Variants in GNG12 observed in about 807,000 individuals in gnomAD.
The protein encoded by GNG12 is guanine nucleotide-binding protein G(I)/G(S)/G(O) subunit gamma-12.
For synonymous variants in GNG12, 28 were observed against 29.7 expected, an observed-to-expected ratio of 0.94 and a Z score of 0.19; for missense variants, 69 against 83.8, an observed-to-expected ratio of 0.82 and a Z score of 0.69.
chr1:67,765,748 G>A (rs1235306590), intron 2 of GNG12, among the ~76,000 whole-genome samples: 2 of 152,166 alleles, frequency 1.3e-5, no homozygotes, highest in East Asian at 1.9e-4. Context: ...GAAACGATGC[G>A]AATAAACTAG....
At chr1:67,724,818 G>GC (rs1646377126) in intron 2 of GNG12, among the ~76,000 whole-genome samples, 1 of 152,170 alleles carries the variant, frequency 6.6e-6, no homozygotes. Flanking sequence ...AACTGCTGCA[G>GC]CCAGGTCACT....
At chr1:67,773,193 T>C (rs1182590001) in intron 2 of GNG12, among the ~76,000 whole-genome samples, 1 of 152,246 alleles carries the variant, frequency 6.6e-6, no homozygotes, top group African/African-American at 2.4e-5. Flanking sequence ...TGTGGAATTC[T>C]GGGCTCCTCT....
At chr1:67,762,237 A>G (rs1248037340) in intron 2 of GNG12, among the ~76,000 whole-genome samples, 1 of 152,164 alleles carries the variant, frequency 6.6e-6, no homozygotes, top group Non-Finnish European at 1.5e-5. Flanking sequence ...ACCTAACACA[A>G]GATTGTAATC....
At chr1:67,806,568 T>C (rs1370557963) in intron 1 of GNG12, among the ~76,000 whole-genome samples, 5 of 151,198 alleles carry the variant, frequency 3.3e-5, no homozygotes, top group Admixed American at 3.3e-4. Context: ...CCCCTGTGTA[T>C]ACCACAGGAT....
chr1:67,815,619 C>T (rs1182951365), intron 1 of GNG12, among the ~76,000 whole-genome samples: 2 of 152,248 alleles, frequency 1.3e-5, no homozygotes, highest in East Asian at 3.9e-4. Context: ...TTTTACCTAG[C>T]AGCATACACC....
At position 67,704,231 on chromosome 1, in the gene GNG12, C is replaced by G. The variant is rs1646231604; in HGVS notation, c.*1220G>C. 1 of 152,202 alleles carries G rather than the reference C, an allele frequency of 6.6e-6. No homozygotes were observed. The highest frequency in any genetic ancestry group is 6.5e-5 in the Admixed American group (1 of 15,280). 9.4% of individuals were successfully genotyped at this position (152,202 alleles called of 1,614,324 possible). A position where few individuals can be genotyped will look rare whatever the true frequency, so the allele number is the denominator to read the frequency against. On this transcript the variant is annotated 3_prime_UTR_variant, in exon 4 of 4. Transcript: ENST00000370982. ...CTGAATCCAAGGCTCTCTTGGGTAG[C>G]CTATGTGCCTCTTGGATGGTATGTG...
At chr1:67,778,406 T>A (rs907243062) in intron 1 of GNG12, among the ~76,000 whole-genome samples, 1 of 152,180 alleles carries the variant, frequency 6.6e-6, no homozygotes, top group Non-Finnish European at 1.5e-5. Context: ...TTCTTGGCCT[T>A]CAGGTATTGG....
intron 2 of GNG12, among the ~76,000 whole-genome samples, chr1:67,728,190 C>T (rs942613721): frequency 1.2e-4 from 19 of 152,184 alleles, no homozygotes; most frequent in African/African-American, 4.6e-4. Flanking sequence ...TTCATGCATC[C>T]AGGTGCAAGC....
At chr1:67,816,206 A>G (rs1646952294) in intron 1 of GNG12, among the ~76,000 whole-genome samples, 1 of 152,138 alleles carries the variant, frequency 6.6e-6, no homozygotes, top group Non-Finnish European at 1.5e-5. Flanking sequence ...TCAAGTCAAG[A>G]AAGTTTAGGT....
At chr1:67,778,058 T>C (rs1228100388) in intron 1 of GNG12, among the ~76,000 whole-genome samples, 1 of 149,824 alleles carries the variant, frequency 6.7e-6, no homozygotes, top group Non-Finnish European at 1.5e-5. Context: ...ATATTGAATA[T>C]ATTTAATAAT....
intron 1 of GNG12, among the ~76,000 whole-genome samples, chr1:67,791,893 T>C (rs769104400): frequency 1.1e-4 from 16 of 152,340 alleles, no homozygotes; most frequent in Non-Finnish European, 2.1e-4. Flanking sequence ...TCAGCAGCTA[T>C]GAGAACTGGC....
At chr1:67,710,179 G>T (rs1461529259) in intron 2 of GNG12, among the ~76,000 whole-genome samples, 1 of 21,482 alleles carries the variant, frequency 4.7e-5, no homozygotes, top group South Asian at 1.6e-3. Flanking sequence ...TATATATATA[G>T]TTATATATAT....
In GNG12 at chr1:67,757,220, T is replaced by C. The variant is rs142581065; in HGVS notation, c.-27+20238A>G. Among the ~76,000 whole-genome samples the C allele has an allele frequency of 2.6e-3, 403 of 152,332 alleles. 2 individuals carry two copies. The highest frequency in any genetic ancestry group is 9.1e-3 in the African/African-American group (379 of 41,584). ...TATATACTTTAAATATTGTGTATGA[T>C]ACAAAGTTTGTTCACACTGAACCAT... is the stretch of plus-strand genomic sequence containing the variant. On this transcript the variant is annotated intron_variant, in intron 2 of 3. Transcript: ENST00000370982.
At position 67,737,003 on chromosome 1, in the gene GNG12, A is replaced by G. The variant is rs116522819; in HGVS notation, c.-26-29291T>C. On this transcript the variant is annotated intron_variant, in intron 2 of 3. Coordinates refer to ENST00000370982, the MANE Select transcript of GNG12 (RefSeq NM_018841.6). ...GCATGGCCAACATCATATAGGTACT[A>G]AAGTTGTGCAGCCTGAATATAAACC... 4.9e-3 allele frequency among the ~76,000 whole-genome samples: 746 copies of G among 152,320 alleles called. 7 individuals are homozygous for G. Among genetic ancestry groups the G allele is most frequent in the African/African-American group, 0.017 (710 of 41,558 alleles).
At position 67,704,204 on chromosome 1, in the gene GNG12, C is replaced by T. The variant is rs1253551135; in HGVS notation, c.*1247G>A. On this transcript the variant is annotated 3_prime_UTR_variant, in exon 4 of 4. Transcript: ENST00000370982. ...AAGCCCTTGGGCCCAAGGAGTGTAC[C>T]ACTGAATCCAAGGCTCTCTTGGGTA... 1 of 152,222 alleles carries T rather than the reference C, an allele frequency of 6.6e-6. No individual in the cohort carries two copies. The highest frequency in any genetic ancestry group is 2.4e-5 in the African/African-American group (1 of 41,454). 9.4% of individuals were successfully genotyped at this position (152,222 alleles called of 1,614,324 possible).
chr1:67,816,557 C>G (rs1186686315), intron 1 of GNG12, among the ~76,000 whole-genome samples: 1 of 152,180 alleles, frequency 6.6e-6, no homozygotes, highest in Non-Finnish European at 1.5e-5. Context: ...CTCAAGCCAG[C>G]TGGAGACCTC....
At chr1:67,758,073 G>A (rs1324009219) in intron 2 of GNG12, among the ~76,000 whole-genome samples, 1 of 152,180 alleles carries the variant, frequency 6.6e-6, no homozygotes, top group Non-Finnish European at 1.5e-5. Context: ...CCAGGTTCAA[G>A]CAATTCTCCT....
intron 2 of GNG12, among the ~76,000 whole-genome samples, chr1:67,760,160 G>C (rs1646593648): frequency 6.6e-6 from 1 of 152,120 alleles, no homozygotes; most frequent in African/African-American, 2.4e-5. Flanking sequence ...TTACATTACT[G>C]AAACCAAGGC....
intron 1 of GNG12, among the ~76,000 whole-genome samples, chr1:67,820,206 T>C (rs747933006): frequency 2.0e-5 from 3 of 151,786 alleles, no homozygotes; most frequent in Non-Finnish European, 2.9e-5. Flanking sequence ...CTGACCAATA[T>C]GGTGAAACTC....
Sources: allele counts gnomAD v4.1 joint callset (sites outside exome capture counted in the v4.1 genomes callset), GRCh38; gene constraint gnomAD v4.1.1; transcripts MANE v1.5; gene names NCBI Gene and HGNC (gene_info 2026-07-23, HGNC 2026-07-21).